XRCC6: variants seen among roughly 807,000 people sequenced by gnomAD.
XRCC6 encodes DNA repair protein Ku70.
XRCC6 carries 5 observed loss-of-function variants against 65.7 expected under a neutral mutation model. The ratio of observed to expected loss-of-function variants is 0.08; its 90% CI spans 0.04 to 0.16. The LOEUF (loss-of-function observed/expected upper bound fraction) is 0.16. Among genes scored for constraint, XRCC6 ranks in the 10% least tolerant of loss-of-function variants. XRCC6 has a pLI of 1.00. For missense variants in XRCC6, 447 were observed against 738.1 expected, an observed-to-expected ratio of 0.61 and a Z score of 4.57; for synonymous variants, 270 against 270.6, an observed-to-expected ratio of 1.00 and a Z score of 0.02.
chr22:41,637,552 T>A, intron 5 of XRCC6, 56 bp from the exon 6 acceptor site: 1 of 1,429,836 alleles, frequency 7.0e-7, no homozygotes, highest in Non-Finnish European at 9.3e-7. Context: ...TGAAAGAACT[T>A]CTCACTTGCT....
chr22:41,642,258 T>C (rs1480068664), intron 6 of XRCC6, among the ~76,000 whole-genome samples: 5 of 152,176 alleles, frequency 3.3e-5, no homozygotes, highest in Admixed American at 1.3e-4. Context: ...GTTTTCTTTT[T>C]AGTATTTTCA....
intron 7 of XRCC6, among the ~76,000 whole-genome samples, chr22:41,649,138 A>AT (rs1569093042): frequency 0.015 from 1,757 of 119,296 alleles, 20 homozygotes; most frequent in East Asian, 0.037. Flanking sequence ...AAAAAAAAAA[A>AT]AATATATATA....
intron 11 of XRCC6, 50 bp downstream of exon 11, chr22:41,658,402 G>A (rs369043204): frequency 6.4e-7 from 1 of 1,554,802 alleles, no homozygotes; most frequent in African/African-American, 1.4e-5. Context: ...TTTCTTACTG[G>A]TTCCACTCTG....
chr22:41,628,787 A>G (rs930853013), intron 3 of XRCC6, among the ~76,000 whole-genome samples: 2 of 151,724 alleles, frequency 1.3e-5, no homozygotes, highest in African/African-American at 2.4e-5. Context: ...ACATGGTGAA[A>G]CCCTGTCTCT....
chr22:41,627,089 T>A (rs1265059486), intron 2 of XRCC6, among the ~76,000 whole-genome samples: 2 of 152,238 alleles, frequency 1.3e-5, no homozygotes, highest in Admixed American at 1.3e-4. Flanking sequence ...TTAATTTTTT[T>A]AAAAAGGCAA....
intron 12 of XRCC6, chr22:41,661,663 T>C (rs753383080): frequency 9.7e-5 from 49 of 504,652 alleles, no homozygotes; most frequent in Non-Finnish European, 1.6e-4. Context: ...GCCACTATTA[T>C]GGAGAATAGT....
At chr22:41,649,170 A>ATGTATGTG (rs1447618410) in intron 7 of XRCC6, among the ~76,000 whole-genome samples, 51 of 135,776 alleles carry the variant, frequency 3.8e-4, no homozygotes, top group African/African-American at 1.3e-3. Context: ...ATATGTATGT[A>ATGTATGTG]TGTGTGTGTG....
At chr22:41,655,532 G>A (rs562319260) in intron 9 of XRCC6, among the ~76,000 whole-genome samples, 3 of 151,476 alleles carry the variant, frequency 2.0e-5, no homozygotes, top group South Asian at 4.2e-4. Flanking sequence ...CGGTGAAACC[G>A]TCTCTACTAA....
At chr22:41,626,785 C>T (rs1601526768) in intron 2 of XRCC6, among the ~76,000 whole-genome samples, 1 of 151,980 alleles carries the variant, frequency 6.6e-6, no homozygotes, top group East Asian at 1.9e-4. Flanking sequence ...CTGCAGGTGT[C>T]CACCACCACG....
chr22:41,662,291 C>T (rs1235776525), intron 12 of XRCC6, among the ~76,000 whole-genome samples: 1 of 152,136 alleles, frequency 6.6e-6, no homozygotes, highest in East Asian at 1.9e-4. Context: ...GATTATTTCA[C>T]ATTGCATGCC....
At chr22:41,650,956 G>A (rs1032639073) in intron 8 of XRCC6, 65 bp downstream of exon 8, 2 of 1,582,228 alleles carry the variant, frequency 1.3e-6, no homozygotes, top group Admixed American at 3.4e-5. Context: ...GCAGCGCTTT[G>A]TAAATGGGCA....
rs543016059 is a variant in XRCC6, at chr22:41,636,860, G to C, written c.589+90G>C. 1.4e-5 allele frequency: 21 copies of C among 1,472,854 alleles called. No homozygotes were observed. In the African/African-American group the frequency reaches 2.1e-4, roughly 15 times the overall value. The allele number at this position is 1,472,854 out of a possible 1,614,324, so 91.2% of individuals were successfully genotyped here. On this transcript the variant is annotated intron_variant, in intron 5 of 12. Transcript: ENST00000360079. ...TTAGGAGTTCAGGAGTCTTGGCTCA[G>C]CCTCAGCCTCCCAAGTAGCTGGGAC...
chr22:41,653,404 A>T (rs2068018675), intron 8 of XRCC6, 125 bp from the exon 9 acceptor site: 1 of 933,552 alleles, frequency 1.1e-6, no homozygotes, highest in Non-Finnish European at 1.5e-6. Flanking sequence ...ACCCCGTCTC[A>T]AATAAATAAA....
At position 41,623,398 on chromosome 22, in the gene XRCC6, T is replaced by C. The variant is rs28785567; in HGVS notation, c.82+1312T>C. Among the ~76,000 whole-genome samples, 22 of 151,098 alleles carry C rather than the reference T, an allele frequency of 1.5e-4. No individual in the cohort carries two copies. The East Asian group carries it at 4.3e-3, about 29-fold the overall frequency. ...CCAGACTGTATCTGATTTCTTTTTC[T>C]TTTTTTTTGGAGACAGTCTTGCTCT... On this transcript the variant is annotated intron_variant, in intron 2 of 12. Coordinates refer to ENST00000360079, the MANE Select transcript of XRCC6 (RefSeq NM_001469.5).
intron 6 of XRCC6, among the ~76,000 whole-genome samples, chr22:41,641,068 C>G (rs1279738081): frequency 6.6e-6 from 1 of 152,094 alleles, no homozygotes; most frequent in Non-Finnish European, 1.5e-5. Context: ...CAGGGAGACC[C>G]TGTCTCTCTT....
chr22:41,626,631 G>GTTTTTT (rs921225213), intron 2 of XRCC6, among the ~76,000 whole-genome samples: 16 of 111,526 alleles, frequency 1.4e-4, no homozygotes, highest in Non-Finnish European at 2.0e-4. Context: ...ATGTTTGTTT[G>GTTTTTT]TTTTTTTTTT....
chr22:41,657,876 T>C (rs775860261), intron 10 of XRCC6, among the ~76,000 whole-genome samples: 3 of 151,844 alleles, frequency 2.0e-5, no homozygotes, highest in Non-Finnish European at 4.4e-5. Flanking sequence ...CAGGCTGGAG[T>C]ACCGTGGCAC....
At chr22:41,653,987 C>T (rs1316362410) in intron 9 of XRCC6, among the ~76,000 whole-genome samples, 1 of 152,146 alleles carries the variant, frequency 6.6e-6, no homozygotes, top group Non-Finnish European at 1.5e-5. Context: ...TCACTGCCGA[C>T]ACCTTTCTTT....
intron 6 of XRCC6, among the ~76,000 whole-genome samples, chr22:41,641,293 AATATT>A (rs1480017253): frequency 8.1e-6 from 1 of 123,536 alleles, no homozygotes; most frequent in Non-Finnish European, 1.8e-5. Context: ...GGCCTAGAAA[AATATT>A]AAACTTACGC....
Sources: gnomAD v4.1 joint callset for allele counts (sites outside exome capture counted in the v4.1 genomes callset) on GRCh38, gnomAD v4.1.1 for gene constraint, MANE v1.5 for transcripts, NCBI Gene and HGNC (gene_info 2026-07-23, HGNC 2026-07-21) for gene names.